The following ATPSCKMT variants were observed in gnomAD, a reference collection of about 807,000 sequenced individuals.
ATPSCKMT encodes ATP synthase subunit C lysine N-methyltransferase.
ATPSCKMT carries 24 observed loss-of-function variants against 24.3 expected under a neutral mutation model. The observed-to-expected ratio is 0.99, with a 90% CI of 0.71 to 1.39. The LOEUF is 1.39. ATPSCKMT is among the 40% of genes most tolerant of loss of function. The pLI is 0.00. For missense variants in ATPSCKMT, 311 were observed against 298.4 expected (o/e 1.04, Z -0.31); for synonymous variants, 95 against 110.5 (o/e 0.86, Z 0.88).
intron 3 of ATPSCKMT, 183 bp downstream of exon 3, chr5:10,236,295 A>G: frequency 3.5e-6 from 2 of 579,348 alleles, no homozygotes; most frequent in Non-Finnish European, 5.3e-6. Context: ...AAAAACTTTA[A>G]GCTTCTCTCT....
chr5:10,236,368 G>A, intron 3 of ATPSCKMT, 110 bp downstream of exon 3: 1 of 1,284,532 alleles, frequency 7.8e-7, no homozygotes, highest in Non-Finnish European at 1.1e-6. Context: ...ATATTCACTT[G>A]GATTTTAATT....
In ATPSCKMT at chr5:10,249,848, C is replaced by G. The variant is rs779135456; in HGVS notation, c.16+10G>C. 1.3e-6 allele frequency: 2 copies of G among 1,562,294 alleles called. No individual in the cohort carries two copies. The highest frequency in any genetic ancestry group is 1.7e-6 in the Non-Finnish European group (2 of 1,159,694). ...GCCCCCAGGAACCCGCCAAGCCGCT[C>G]CAGCCTCACCTCCTCCTCCCTCCAT... On this transcript the variant is annotated intron_variant, in intron 1 of 4. Transcript: ENST00000511437.
chr5:10,241,119 T>G lies in ATPSCKMT; in HGVS notation c.17-1763A>C, dbSNP rs56103647. Among the ~76,000 whole-genome samples the G allele has an allele frequency of 7.3e-3, 1,118 of 152,264 alleles. 3 individuals carry two copies. The highest frequency in any genetic ancestry group is 0.012 in the Non-Finnish European group (816 of 68,002). On this transcript the variant is annotated intron_variant, in intron 1 of 4. Coordinates refer to ENST00000511437, the MANE Select transcript of ATPSCKMT (RefSeq NM_199133.4). ...CCCTCGGGCAGGTTTTCTTGTCTCT[T>G]CCTGCTTCCAGAGGCTGCCCACATT...
intron 2 of ATPSCKMT, among the ~76,000 whole-genome samples, chr5:10,237,595 G>A (rs1476244696): frequency 6.6e-6 from 1 of 152,104 alleles, no homozygotes; most frequent in Non-Finnish European, 1.5e-5. Flanking sequence ...CACCATCAAT[G>A]TAAGACATGA....
chr5:10,228,165 C>A (rs1046914606), intron 4 of ATPSCKMT, among the ~76,000 whole-genome samples: 1 of 152,116 alleles, frequency 6.6e-6, no homozygotes, highest in African/African-American at 2.4e-5. Context: ...ACATTTTTAA[C>A]ATCTCTGAAA....
At chr5:10,246,282 A>G (rs1231215625) in intron 1 of ATPSCKMT, among the ~76,000 whole-genome samples, 1 of 152,124 alleles carries the variant, frequency 6.6e-6, no homozygotes, top group African/African-American at 2.4e-5. Context: ...TACCAAAAAA[A>G]AATTAGCCAG....
intron 4 of ATPSCKMT, among the ~76,000 whole-genome samples, chr5:10,230,623 C>T (rs1337276618): frequency 2.0e-5 from 3 of 152,172 alleles, no homozygotes; most frequent in Non-Finnish European, 4.4e-5. Flanking sequence ...ATTATTCATA[C>T]AATTATAGGT....
intron 2 of ATPSCKMT, among the ~76,000 whole-genome samples, chr5:10,238,486 G>A (rs1462555104): frequency 6.6e-6 from 1 of 152,056 alleles, no homozygotes; most frequent in Non-Finnish European, 1.5e-5. Flanking sequence ...CTGGGATGAG[G>A]CTAAGGATGG....
At chr5:10,228,610 T>C (rs1331390957) in intron 4 of ATPSCKMT, among the ~76,000 whole-genome samples, 1 of 152,218 alleles carries the variant, frequency 6.6e-6, no homozygotes, top group African/African-American at 2.4e-5. Flanking sequence ...AACTTGCTAT[T>C]TTGGGATAAT....
At position 10,239,407 on chromosome 5, in the gene ATPSCKMT, CAA is replaced by C. The variant is rs1230413158; in HGVS notation, c.17-53_17-52del. ...CACATGTAGCACCAAATCTGAAATC[CAA>C]GAGAGCATTTTTTTCTACAATTCTC... On this transcript the variant is annotated intron_variant, in intron 1 of 4. Transcript: ENST00000511437. 4 of 1,489,964 alleles carry C rather than the reference CAA, an allele frequency of 2.7e-6. No individual in the cohort carries two copies. The African/African-American group carries it at 5.6e-5, about 21-fold the overall frequency. The allele number at this position is 1,489,964 out of a possible 1,614,324, so 92.3% of individuals were successfully genotyped here.
At chr5:10,249,424 T>G (rs569830011) in intron 1 of ATPSCKMT, 164 of 195,422 alleles carry the variant, frequency 8.4e-4, no homozygotes, top group African/African-American at 3.6e-3. Context: ...TCTCCTTGAA[T>G]CTCACAGCAG....
At chr5:10,236,767 G>A in intron 2 of ATPSCKMT, 152 bp from the exon 3 acceptor site, 3 of 1,461,246 alleles carry the variant, frequency 2.1e-6, no homozygotes, top group Non-Finnish European at 2.7e-6. Context: ...TCTCTAAAGC[G>A]ATATAGCTTT....
chr5:10,246,929 G>A (rs555577827), intron 1 of ATPSCKMT, among the ~76,000 whole-genome samples: 1 of 152,326 alleles, frequency 6.6e-6, no homozygotes, highest in East Asian at 1.9e-4. Flanking sequence ...TGAGGTGTTG[G>A]CAGAGAGAAT....
intron 4 of ATPSCKMT, among the ~76,000 whole-genome samples, chr5:10,233,837 G>A (rs990288263): frequency 6.6e-6 from 1 of 152,158 alleles, no homozygotes; most frequent in Non-Finnish European, 1.5e-5. Flanking sequence ...TAGAACGAAA[G>A]CCCAAACATC....
In ATPSCKMT at chr5:10,240,753, T is replaced by TG. The variant is rs1489440831; in HGVS notation, c.17-1398dup. Among the ~76,000 whole-genome samples, 4 of 152,208 alleles carry TG rather than the reference T, an allele frequency of 2.6e-5. No homozygotes were observed. In the South Asian group the frequency reaches 6.2e-4, roughly 24 times the overall value. Reference sequence around the variant, plus strand: ...GCTCACACCTGTAATCCCAGCACTTTGGGAGGCCACGGCGGGCAGATCACC... The same window carrying TG: ...GCTCACACCTGTAATCCCAGCACTTTGGGGAGGCCACGGCGGGCAGATCACC... On this transcript the variant is annotated intron_variant, in intron 1 of 4. Coordinates refer to ENST00000511437, the MANE Select transcript of ATPSCKMT (RefSeq NM_199133.4).
At chr5:10,233,686 C>A (rs969599030) in intron 4 of ATPSCKMT, among the ~76,000 whole-genome samples, 10 of 152,168 alleles carry the variant, frequency 6.6e-5, no homozygotes, top group Admixed American at 4.6e-4. Flanking sequence ...CTGCTGCCCC[C>A]CGCTGGGACA....
chr5:10,239,069 T>C lies in ATPSCKMT; in HGVS notation c.304A>G (p.Ile102Val), dbSNP rs377321730. The C allele has an allele frequency of 8.7e-6, 14 of 1,611,978 alleles. No individual in the cohort carries two copies. Among genetic ancestry groups the C allele is most frequent in the Admixed American group, 1.7e-5 (1 of 59,794 alleles). The change falls in exon 2 of 5, where the codon ATT (isoleucine) becomes GTT (valine). Residue 102 changes from isoleucine to valine, a missense_variant and splice_region_variant. Physicochemically the swap from Ile to Val is conservative, Grantham distance 29 (BLOSUM62 3). Coordinates refer to ENST00000511437, the MANE Select transcript of ATPSCKMT (RefSeq NM_199133.4). ...LVDIGSGDGRIVIAAAKKGFT... is the reference protein window; with the variant it reads ...LVDIGSGDGRVVIAAAKKGFT... Reference sequence around the variant, plus strand: ...TAAAATGTTTTAGCAGAACTCACAATGCGTCCGTCCCCACTACCGATGTCC... The same window carrying C: ...TAAAATGTTTTAGCAGAACTCACAACGCGTCCGTCCCCACTACCGATGTCC...
rs1744517210 is a variant in ATPSCKMT at position 10,239,277 on chromosome 5, C to T, written c.96G>A (p.Gln32=). 1 of 1,614,082 alleles carries T rather than the reference C, an allele frequency of 6.2e-7. No individual in the cohort carries two copies. Among genetic ancestry groups the T allele is most frequent in the Non-Finnish European group, 8.5e-7 (1 of 1,180,044 alleles). Residue 32 remains glutamine, a synonymous_variant, in exon 2 of 5, where the codon CAG becomes CAA. Transcript: ENST00000511437. The part of the protein sequence containing the change: ...LPASFEVNSL[Q]KSNWGFLLTG... ...TAAGTAAGAACCCCCAGTTGCTTTT[C>T]TGCAAACTGTTGACTTCAAAACTTG...
At chr5:10,242,659 G>C (rs1224308868) in intron 1 of ATPSCKMT, among the ~76,000 whole-genome samples, 1 of 152,186 alleles carries the variant, frequency 6.6e-6, no homozygotes. Flanking sequence ...TGAAGGTTTT[G>C]AATTGACTTT....
Sources: gnomAD v4.1 joint callset for allele counts (sites outside exome capture counted in the v4.1 genomes callset) on GRCh38, gnomAD v4.1.1 for gene constraint, MANE v1.5 for transcripts, NCBI Gene and HGNC (gene_info 2026-07-23, HGNC 2026-07-21) for gene names.